EPHA6: variants seen among roughly 807,000 people sequenced by gnomAD.
EPHA6 encodes the protein ephrin type-A receptor 6.
In EPHA6, 50 loss-of-function variants were observed where a neutral mutation model predicts 112.0. That is an observed-to-expected ratio of 0.45 (90% confidence interval 0.36 to 0.56). The LOEUF is 0.56. Ranked by LOEUF, EPHA6 falls within the 20% of genes least tolerant of loss-of-function variation. The probability of loss-of-function intolerance (pLI) is 0.00; values close to 1 mark genes in which losing one functional copy is unlikely to be tolerated. For synonymous variants in EPHA6, 529 were observed against 490.7 expected (o/e 1.08, Z -1.03); for missense variants, 1,280 against 1,417.4 (o/e 0.90, Z 1.56).
At position 97,236,630 on chromosome 3, in the gene EPHA6, C is replaced by T. The variant is rs142042937; in HGVS notation, c.1271-7322C>T. Among the ~76,000 whole-genome samples the T allele has an allele frequency of 3.1e-3, 474 of 152,114 alleles. 4 individuals are homozygous for T. The highest frequency in any genetic ancestry group is 0.011 in the African/African-American group (452 of 41,514). On this transcript the variant is annotated intron_variant, in intron 4 of 17. Transcript: ENST00000389672. ...TCAAACAAATACCTATGAGTGAAAA[C>T]ATTTTGCTACAACTTCATTCTTAAT...
intron 2 of EPHA6, among the ~76,000 whole-genome samples, chr3:96,972,877 A>G (rs1184629208): frequency 6.6e-6 from 1 of 152,206 alleles, no homozygotes; most frequent in Non-Finnish European, 1.5e-5. Context: ...ATTTCTTTGA[A>G]TTCTAAAGAT....
At chr3:97,134,731 T>G (rs2075727476) in intron 3 of EPHA6, among the ~76,000 whole-genome samples, 1 of 152,138 alleles carries the variant, frequency 6.6e-6, no homozygotes, top group African/African-American at 2.4e-5. Flanking sequence ...TTTTCAAATT[T>G]ACAGATTAAA....
At chr3:97,105,751 A>G (rs768488263) in intron 3 of EPHA6, among the ~76,000 whole-genome samples, 3 of 152,090 alleles carry the variant, frequency 2.0e-5, no homozygotes, top group Non-Finnish European at 2.9e-5. Flanking sequence ...TGCCAGTGGA[A>G]TGTTGAAATC....
intron 3 of EPHA6, among the ~76,000 whole-genome samples, chr3:96,991,449 C>T (rs1414757229): frequency 6.6e-6 from 1 of 152,096 alleles, no homozygotes; most frequent in African/African-American, 2.4e-5. Flanking sequence ...TATGTGGCCT[C>T]TCATCATTTA....
chr3:97,336,369 T>G (rs1350537854), intron 5 of EPHA6, among the ~76,000 whole-genome samples: 3 of 152,314 alleles, frequency 2.0e-5, no homozygotes, highest in South Asian at 4.1e-4. Flanking sequence ...TTATCAGTTA[T>G]GATTTTTGCA....
In EPHA6 at chr3:97,753,459, T is replaced by C. The variant is rs2035947257; in HGVS notation, c.*4758T>C. Among the ~76,000 whole-genome samples, 1 of 152,150 alleles carries C rather than the reference T, an allele frequency of 6.6e-6. No individual in the cohort carries two copies. Among genetic ancestry groups the C allele is most frequent in the Non-Finnish European group, 1.5e-5 (1 of 68,018 alleles). On this transcript the variant is annotated 3_prime_UTR_variant, in exon 18 of 18. Coordinates refer to ENST00000389672, the MANE Select transcript of EPHA6 (RefSeq NM_001080448.3). ...TTCTTCCGAAACACTCCATAACCCC[T>C]CTGGCGGAGGGGAAGCATACTTCCT... is the stretch of plus-strand genomic sequence containing the variant.
chr3:96,868,244 G>T (rs1255324334), intron 2 of EPHA6, among the ~76,000 whole-genome samples: 1 of 151,184 alleles, frequency 6.6e-6, no homozygotes, highest in Admixed American at 6.6e-5. Context: ...GAATGGATAG[G>T]TGGTATAAAT....
Position 97,535,932 on chromosome 3 carries a change from C to A in EPHA6, c.2386+3389C>A, listed in dbSNP as rs183051582. ...ACTTTGGCTCTCTTTCATATTTGGGCATTATTTTAAACTTAAAAGTTAAAT... is the reference window on the plus strand; with the variant it reads ...ACTTTGGCTCTCTTTCATATTTGGGAATTATTTTAAACTTAAAAGTTAAAT... On this transcript the variant is annotated intron_variant, in intron 11 of 17. Coordinates refer to ENST00000389672, the MANE Select transcript of EPHA6 (RefSeq NM_001080448.3). Among the ~76,000 whole-genome samples, 3 of 152,068 alleles carry A rather than the reference C, an allele frequency of 2.0e-5. No individual in the cohort carries two copies. In the East Asian group the frequency reaches 5.8e-4, roughly 29 times the overall value.
chr3:97,349,957 CTT>C (rs80163422), intron 5 of EPHA6, among the ~76,000 whole-genome samples: 4 of 146,114 alleles, frequency 2.7e-5, no homozygotes, highest in South Asian at 2.2e-4. Context: ...TCATGCTAAT[CTT>C]TTTTTTTTTT....
intron 14 of EPHA6, among the ~76,000 whole-genome samples, chr3:97,694,226 T>C (rs1446525187): frequency 2.6e-5 from 4 of 151,092 alleles, no homozygotes; most frequent in African/African-American, 7.4e-5. Flanking sequence ...AGCCCTTTTC[T>C]TTTATTTCTT....
At chr3:97,393,306 C>T (rs2086522867) in intron 5 of EPHA6, among the ~76,000 whole-genome samples, 1 of 151,736 alleles carries the variant, frequency 6.6e-6, no homozygotes, top group Admixed American at 6.6e-5. Context: ...TTTTATAGAA[C>T]CTGTTATATA....
intron 10 of EPHA6, among the ~76,000 whole-genome samples, chr3:97,519,423 C>T (rs2092501073): frequency 6.6e-6 from 1 of 152,180 alleles, no homozygotes; most frequent in Non-Finnish European, 1.5e-5. Context: ...TAGCATGATG[C>T]CTTCAGCTTT....
chr3:97,211,397 C>T (rs2077870724), intron 3 of EPHA6, among the ~76,000 whole-genome samples: 1 of 152,124 alleles, frequency 6.6e-6, no homozygotes, highest in Admixed American at 6.6e-5. Flanking sequence ...TTGTCTTAGT[C>T]AGTTTGGGCT....
chr3:97,655,572 G>C (rs976946669), intron 14 of EPHA6, among the ~76,000 whole-genome samples: 1 of 151,868 alleles, frequency 6.6e-6, no homozygotes, highest in African/African-American at 2.4e-5. Context: ...ATTGTGAATA[G>C]TGCCGCAATA....
intron 5 of EPHA6, among the ~76,000 whole-genome samples, chr3:97,298,658 TA>T (rs528719079): frequency 4.0e-5 from 6 of 151,894 alleles, no homozygotes; most frequent in Non-Finnish European, 5.9e-5. Context: ...CTGTTAATCC[TA>T]AAAAAAAGAA....
In EPHA6 at chr3:97,199,238, G is replaced by A. The variant is rs186384542; in HGVS notation, c.1115-27026G>A. 2.6e-5 allele frequency among the ~76,000 whole-genome samples: 4 copies of A among 152,180 alleles called. No individual in the cohort carries two copies. In the East Asian group the frequency reaches 5.8e-4, roughly 22 times the overall value. On this transcript the variant is annotated intron_variant, in intron 3 of 17. Transcript: ENST00000389672. ...AGCCACAGTTGGAGGTCATGGCTGC[G>A]ATTTTGTAAAATAGGGTATTGGGGA...
intron 14 of EPHA6, among the ~76,000 whole-genome samples, chr3:97,682,585 T>C (rs534761498): frequency 2.6e-5 from 4 of 152,144 alleles, no homozygotes; most frequent in African/African-American, 9.6e-5. Context: ...TTGCTCATCT[T>C]GAAAATCCTT....
At chr3:97,314,626 T>A (rs531006471) in intron 5 of EPHA6, among the ~76,000 whole-genome samples, 6 of 151,846 alleles carry the variant, frequency 4.0e-5, no homozygotes, top group African/African-American at 1.2e-4. Context: ...ACAAGACAGG[T>A]AACATTTTTA....
At chr3:97,238,563 G>A (rs1046181580) in intron 4 of EPHA6, among the ~76,000 whole-genome samples, 4 of 151,832 alleles carry the variant, frequency 2.6e-5, no homozygotes, top group Non-Finnish European at 4.4e-5. Flanking sequence ...TCTATAAAAT[G>A]GGGATATTAA....
Sources: gnomAD v4.1 joint callset for allele counts (sites outside exome capture counted in the v4.1 genomes callset) on GRCh38, gnomAD v4.1.1 for gene constraint, MANE v1.5 for transcripts, NCBI Gene and HGNC (gene_info 2026-07-23, HGNC 2026-07-21) for gene names.